Variants in NISCH observed in about 807,000 individuals in gnomAD.
NISCH encodes the protein I-1 receptor candidate protein.
NISCH carries 55 observed loss-of-function variants against 138.4 expected under a neutral mutation model. The observed-to-expected ratio is 0.40, with a 90% CI of 0.32 to 0.50. The LOEUF (loss-of-function observed/expected upper bound fraction) is 0.50, where lower values mean the gene tolerates loss of function less well. Among genes scored for constraint, NISCH ranks in the 20% least tolerant of loss-of-function variants. The pLI, the probability that NISCH is intolerant of heterozygous loss-of-function variation, is 0.71. For synonymous variants in NISCH, 860 were observed against 861.5 expected, an observed-to-expected ratio of 1.00 and a Z score of 0.03; for missense variants, 1,643 against 2,005.5, an observed-to-expected ratio of 0.82 and a Z score of 3.45.
chr3:52,481,223 G>A (rs1707261606), intron 13 of NISCH: 1 of 1,130,710 alleles, frequency 8.8e-7, no homozygotes, highest in East Asian at 5.2e-5. Flanking sequence ...AGGATGAGAG[G>A]GAGAGTCGGC....
At chr3:52,479,957 G>A (rs1271995119) in intron 12 of NISCH, 95 bp downstream of exon 12, 2 of 1,093,594 alleles carry the variant, frequency 1.8e-6, no homozygotes, top group African/African-American at 1.6e-5. Flanking sequence ...GCTCAGGGCT[G>A]CCGAGTCCCA....
In NISCH at chr3:52,488,108, C is replaced by T. The variant is rs746319166; in HGVS notation, c.2616C>T (p.Ala872=). The T allele has an allele frequency of 3.8e-5, 61 of 1,612,860 alleles. No homozygotes were observed. The highest frequency in any genetic ancestry group is 4.7e-5 in the Non-Finnish European group (56 of 1,179,996). ...ACAAGCGCATGGTGCAGACGGCCGC[C>T]GGGGACTACTCAGGCAACATCGAGT... The part of the protein sequence containing the change: ...YSDKRMVQTA[A]GDYSGNIEWA... Residue 872 remains alanine, a synonymous_variant, in exon 16 of 21, where the codon GCC becomes GCT. Transcript: ENST00000345716.
intron 13 of NISCH, chr3:52,480,684 T>C (rs896158059): frequency 7.7e-6 from 11 of 1,422,112 alleles, no homozygotes; most frequent in Admixed American, 3.0e-5. Flanking sequence ...CTTTACTGTC[T>C]GGAGCCCGAA....
chr3:52,462,344 TAG>T (rs1182931292), intron 3 of NISCH, among the ~76,000 whole-genome samples: 1 of 152,202 alleles, frequency 6.6e-6, no homozygotes, highest in Non-Finnish European at 1.5e-5. Context: ...TGGATGCCAG[TAG>T]CACTTCCCCA....
rs1435394783 is a variant in NISCH at position 52,480,440 on chromosome 3, C to T, written c.1528+145C>T. The T allele has an allele frequency of 4.5e-6, 7 of 1,542,064 alleles. No individual in the cohort carries two copies. The Middle Eastern group carries it at 5.0e-4, about 111-fold the overall frequency. ...GGGCAGTGCCTTCTGCAGGCTGGTC[C>T]TCGCGGGGGGACACATGGCAGGGGT... On this transcript the variant is annotated intron_variant, in intron 13 of 20. Transcript: ENST00000345716.
chr3:52,491,050 C>T (rs1707548458), intron 19 of NISCH, among the ~76,000 whole-genome samples: 1 of 152,260 alleles, frequency 6.6e-6, no homozygotes, highest in East Asian at 1.9e-4. Context: ...GCGGCAAGCG[C>T]TGGCCCGGAC....
intron 3 of NISCH, among the ~76,000 whole-genome samples, chr3:52,468,031 A>C (rs551020693): frequency 6.6e-6 from 1 of 152,298 alleles, no homozygotes; most frequent in East Asian, 1.9e-4. Context: ...AGGCCAAGGT[A>C]GGCGGATCAC....
At chr3:52,455,806 G>A (rs1706447662) in intron 1 of NISCH, 72 bp downstream of exon 1, 1 of 1,141,718 alleles carries the variant, frequency 8.8e-7, no homozygotes, top group Non-Finnish European at 1.1e-6. Flanking sequence ...GGGGCTTGGG[G>A]AGGGGTCCGG....
intron 3 of NISCH, among the ~76,000 whole-genome samples, chr3:52,463,714 CTTTTTTTT>C (rs71084184): frequency 1.3e-3 from 52 of 41,466 alleles, no homozygotes; most frequent in East Asian, 0.011. Context: ...TATTGAACCT[CTTTTTTTT>C]TTTTTTTTTT....
chr3:52,470,565 C>T (rs1005225263), intron 3 of NISCH: 10 of 462,240 alleles, frequency 2.2e-5, no homozygotes, highest in African/African-American at 7.9e-5. Context: ...TAGAGTAATG[C>T]AGCTCTGCTG....
chr3:52,479,611 G>C (rs987059214), intron 11 of NISCH, 138 bp from the exon 12 acceptor site: 2 of 670,612 alleles, frequency 3.0e-6, no homozygotes, highest in Middle Eastern at 2.7e-4. Context: ...CACAGCAGGT[G>C]CTCACGCCTC....
intron 13 of NISCH, chr3:52,484,284 G>C: frequency 4.1e-6 from 2 of 482,746 alleles, no homozygotes; most frequent in Non-Finnish European, 7.4e-6. Context: ...TTTATTCTCA[G>C]AATGCTTCTC....
In NISCH at chr3:52,458,049, C is replaced by G. The variant is rs1045279819; in HGVS notation, c.177+123C>G. On this transcript the variant is annotated intron_variant, in intron 2 of 20. Transcript: ENST00000345716. ...CCATCTCTATAGTTCTTTAATAAACCACTTTGTTAATATAACTGCGTTCAT... is the reference window on the plus strand; with the variant it reads ...CCATCTCTATAGTTCTTTAATAAACGACTTTGTTAATATAACTGCGTTCAT... The G allele has an allele frequency of 1.3e-5, 9 of 680,450 alleles. No homozygotes were observed. In the Admixed American group the frequency reaches 1.8e-4, roughly 14 times the overall value. The allele number at this position is 680,450 out of a possible 1,614,324, so 42.2% of individuals were successfully genotyped here. A position where few individuals can be genotyped will look rare whatever the true frequency, so the allele number is the denominator to read the frequency against.
intron 13 of NISCH, chr3:52,481,345 G>A: frequency 2.0e-6 from 2 of 994,484 alleles, no homozygotes; most frequent in Non-Finnish European, 2.4e-6. Flanking sequence ...AGCACACTGA[G>A]GTCACACCTG....
chr3:52,490,307 G>A, intron 18 of NISCH, 76 bp downstream of exon 18: 1 of 1,538,396 alleles, frequency 6.5e-7, no homozygotes, highest in Non-Finnish European at 8.8e-7. Flanking sequence ...ATTCTCTGGA[G>A]CCAGCTGTGT....
chr3:52,490,265 G>T, intron 18 of NISCH, 34 bp downstream of exon 18: 1 of 1,606,492 alleles, frequency 6.2e-7, no homozygotes, highest in Non-Finnish European at 8.5e-7. Flanking sequence ...TCAGGAGCTT[G>T]GAGTGTGTGG....
chr3:52,476,712 C>T (rs1244977696), intron 8 of NISCH, 113 bp downstream of exon 8: 1 of 1,025,206 alleles, frequency 9.8e-7, no homozygotes, highest in Non-Finnish European at 1.5e-6. Flanking sequence ...ATCTAGTGCT[C>T]TGTGCATTGC....
At chr3:52,482,473 C>T (rs764672147) in intron 13 of NISCH, among the ~76,000 whole-genome samples, 3 of 152,178 alleles carry the variant, frequency 2.0e-5, no homozygotes, top group African/African-American at 4.8e-5. Context: ...AGCCAGGGCT[C>T]GGTCAGCTGA....
intron 3 of NISCH, among the ~76,000 whole-genome samples, chr3:52,463,460 A>C (rs142710459): frequency 2.2e-3 from 328 of 152,192 alleles, no homozygotes; most frequent in Non-Finnish European, 1.5e-3. Flanking sequence ...TTTTTGTTGG[A>C]TATATAGCCA....
Sources: allele counts gnomAD v4.1 joint callset (sites outside exome capture counted in the v4.1 genomes callset), GRCh38; gene constraint gnomAD v4.1.1; transcripts MANE v1.5; gene names NCBI Gene and HGNC (gene_info 2026-07-23, HGNC 2026-07-21).